The following ABCC4 variants were observed in gnomAD, a reference collection of about 807,000 sequenced individuals.
ABCC4 encodes the protein ATP binding cassette subfamily C member 4 (PEL blood group), also known as ATP-binding cassette sub-family C member 4.
A neutral mutation model predicts 168.5 loss-of-function variants in ABCC4; 102 were observed. The observed-to-expected ratio is 0.61, with a 90% confidence interval of 0.52 to 0.71. The LOEUF (loss-of-function observed/expected upper bound fraction) is 0.71. Among genes scored for constraint, ABCC4 ranks in the 30% least tolerant of loss-of-function variants. ABCC4 has a pLI of 0.00. For synonymous variants in ABCC4, 617 were observed against 590.7 expected (o/e 1.04, Z -0.65); for missense variants, 1,402 against 1,605.8 (o/e 0.87, Z 2.17).
At chr13:95,188,039 T>C (rs971344175) in intron 10 of ABCC4, among the ~76,000 whole-genome samples, 1 of 152,214 alleles carries the variant, frequency 6.6e-6, no homozygotes, top group African/African-American at 2.4e-5. Flanking sequence ...AAATGTGTGT[T>C]CATGTGACTT....
At chr13:95,196,598 AAGG>A (rs1566515339) in intron 8 of ABCC4, among the ~76,000 whole-genome samples, 293 of 7,760 alleles carry the variant, frequency 0.038, 8 homozygotes, top group African/African-American at 0.11. Context: ...GGAAGGAAGG[AAGG>A]AAGGAAGGAA....
chr13:95,287,425 A>G (rs866369214), intron 1 of ABCC4, among the ~76,000 whole-genome samples: 3 of 151,976 alleles, frequency 2.0e-5, no homozygotes, highest in Middle Eastern at 3.2e-3. Context: ...CGTCTCTACT[A>G]AAAATACAAA....
At chr13:95,085,061 C>T (rs990147064) in intron 20 of ABCC4, among the ~76,000 whole-genome samples, 3 of 152,174 alleles carry the variant, frequency 2.0e-5, no homozygotes, top group Non-Finnish European at 4.4e-5. Flanking sequence ...TGCAGATTCA[C>T]GTTATACATG....
chr13:95,258,531 A>T (rs1209807086), intron 1 of ABCC4, among the ~76,000 whole-genome samples: 1 of 152,132 alleles, frequency 6.6e-6, no homozygotes, highest in Non-Finnish European at 1.5e-5. Context: ...TTACCCATTT[A>T]CTACAATCTA....
intron 19 of ABCC4, among the ~76,000 whole-genome samples, chr13:95,134,770 A>C (rs897287920): frequency 1.3e-5 from 2 of 152,180 alleles, no homozygotes; most frequent in Admixed American, 1.3e-4. Context: ...TAGAGAAGGA[A>C]ATGATGCTCA....
Position 95,161,283 on chromosome 13 carries a change from G to C in ABCC4, c.2361C>G (p.Phe787Leu). ...TTTGTGAAGAGTTAACAAGGACGTA[G>C]AATACCAATAGAGATCTTGCTATGC... ...LFGIARSLLV[F>L]YVLVNSSQTL... The change falls in exon 19 of 31, where the codon TTC (phenylalanine) becomes TTG (leucine). Residue 787 changes from phenylalanine (F) to leucine (L), a missense_variant. By Grantham distance (22) the Phe-to-Leu change is conservative (BLOSUM62 0). Transcript: ENST00000645237. 1 of 1,608,938 alleles carries C rather than the reference G, an allele frequency of 6.2e-7. No homozygotes were observed.
chr13:95,210,798 A>C lies in ABCC4; in HGVS notation c.532-17T>G. The C allele has an allele frequency of 6.3e-7, 1 of 1,597,030 alleles. No individual in the cohort carries two copies. Among genetic ancestry groups the C allele is most frequent in the Non-Finnish European group, 8.6e-7 (1 of 1,164,806 alleles). The stretch of plus-strand genomic sequence containing the variant: ...ACGAAGTGCCTGAAATAAAAGAGGT[A>C]AGTAGAGAATTGTATTCATGCAGTG... On this transcript the variant is annotated splice_polypyrimidine_tract_variant and intron_variant, in intron 4 of 30. Transcript: ENST00000645237.
At chr13:95,080,030 A>C (rs980951625) in intron 21 of ABCC4, among the ~76,000 whole-genome samples, 1 of 152,182 alleles carries the variant, frequency 6.6e-6, no homozygotes, top group Admixed American at 6.5e-5. Flanking sequence ...ATTTTTCTCC[A>C]GACTTTGTAG....
At chr13:95,118,333 T>G (rs1363105383) in intron 19 of ABCC4, among the ~76,000 whole-genome samples, 1 of 151,934 alleles carries the variant, frequency 6.6e-6, no homozygotes, top group Non-Finnish European at 1.5e-5. Flanking sequence ...AACCTCTGTC[T>G]CCTGGGTTCA....
intron 1 of ABCC4, among the ~76,000 whole-genome samples, chr13:95,270,272 A>C (rs1283263245): frequency 6.6e-6 from 1 of 152,090 alleles, no homozygotes; most frequent in Non-Finnish European, 1.5e-5. Context: ...GGGAAGAGAA[A>C]AAATGACTTT....
At chr13:95,190,131 G>T (rs771280839) in intron 9 of ABCC4, among the ~76,000 whole-genome samples, 1 of 152,052 alleles carries the variant, frequency 6.6e-6, no homozygotes, top group Non-Finnish European at 1.5e-5. Flanking sequence ...GATCACTTGA[G>T]CCTAGGAGTT....
At chr13:95,265,543 C>T (rs1177589476) in intron 1 of ABCC4, among the ~76,000 whole-genome samples, 1 of 152,090 alleles carries the variant, frequency 6.6e-6, no homozygotes, top group Non-Finnish European at 1.5e-5. Flanking sequence ...GGCTGAGGCT[C>T]GAGGACTGCT....
At chr13:95,297,277 A>AAAG (rs1555343000) in intron 1 of ABCC4, among the ~76,000 whole-genome samples, 7 of 151,664 alleles carry the variant, frequency 4.6e-5, no homozygotes, top group South Asian at 4.2e-4. Context: ...ATAAAAAAAA[A>AAAG]AAAGAAAGAA....
intron 11 of ABCC4, among the ~76,000 whole-genome samples, chr13:95,184,040 T>A (rs563352919): frequency 2.9e-4 from 44 of 152,300 alleles, no homozygotes; most frequent in African/African-American, 9.9e-4. Flanking sequence ...GGGCCAGCAG[T>A]CCATGCTTAC....
chr13:95,291,724 T>C (rs2041409783), intron 1 of ABCC4, among the ~76,000 whole-genome samples: 1 of 152,232 alleles, frequency 6.6e-6, no homozygotes, highest in African/African-American at 2.4e-5. Flanking sequence ...TCACTGATGA[T>C]GCCCAAATTG....
intron 20 of ABCC4, 56 bp from the exon 21 acceptor site, chr13:95,083,346 A>G: frequency 6.3e-7 from 1 of 1,588,402 alleles, no homozygotes; most frequent in Non-Finnish European, 8.6e-7. Context: ...TTTCAAAAAT[A>G]CTTGCATGAG....
At chr13:95,145,902 A>G (rs2139493720) in intron 19 of ABCC4, among the ~76,000 whole-genome samples, 1 of 152,296 alleles carries the variant, frequency 6.6e-6, no homozygotes, top group African/African-American at 2.4e-5. Context: ...AACATTTAGT[A>G]CATGTGGACT....
At chr13:95,078,667 T>C (rs567483578) in intron 21 of ABCC4, among the ~76,000 whole-genome samples, 12 of 152,266 alleles carry the variant, frequency 7.9e-5, no homozygotes, top group African/African-American at 2.4e-4. Flanking sequence ...CAGGGTGATA[T>C]TAGGAATAAC....
intron 19 of ABCC4, among the ~76,000 whole-genome samples, chr13:95,138,960 G>A (rs114861233): frequency 3.9e-5 from 6 of 152,290 alleles, no homozygotes; most frequent in Admixed American, 2.0e-4. Context: ...TGACAGGTCC[G>A]TGAGAGATCC....
Sources: gnomAD v4.1 joint callset for allele counts (sites outside exome capture counted in the v4.1 genomes callset) on GRCh38, gnomAD v4.1.1 for gene constraint, MANE v1.5 for transcripts, NCBI Gene and HGNC (gene_info 2026-07-23, HGNC 2026-07-21) for gene names.